Variants in WASF3 observed in about 807,000 individuals in gnomAD.
The protein encoded by WASF3 is actin-binding protein WASF3.
WASF3 carries 11 observed loss-of-function variants against 46.6 expected under a neutral mutation model. The ratio of observed to expected loss-of-function variants is 0.24; its 90% CI spans 0.15 to 0.39. The LOEUF is 0.39. Ranked by LOEUF, WASF3 falls within the 10% of genes least tolerant of loss-of-function variation. The probability of loss-of-function intolerance (pLI) is 1.00; values close to 1 mark genes in which losing one functional copy is unlikely to be tolerated. For synonymous variants in WASF3, 242 were observed against 259.7 expected (o/e 0.93, Z 0.65); for missense variants, 576 against 669.8 (o/e 0.86, Z 1.55).
At chr13:26,672,015 T>C (rs1457866459) in intron 6 of WASF3, 26 bp downstream of exon 6, 3 of 1,442,080 alleles carry the variant, frequency 2.1e-6, no homozygotes, top group African/African-American at 2.8e-5. Flanking sequence ...ATGGGAAATG[T>C]GCATATCAGT....
the WASF3 span, among the ~76,000 whole-genome samples, chr13:26,541,571 A>G: frequency 6.6e-6 from 1 of 152,296 alleles, no homozygotes; most frequent in East Asian, 1.9e-4. Context: ...GCCCTAGTAG[A>G]GAACACACCT....
chr13:26,546,105 T>C, the WASF3 span, among the ~76,000 whole-genome samples: 1 of 152,236 alleles, frequency 6.6e-6, no homozygotes, highest in African/African-American at 2.4e-5. Context: ...TTAGGGGTCA[T>C]ACATAATTTA....
chr13:26,680,224 G>A (rs1883185139), intron 7 of WASF3: 2 of 1,539,486 alleles, frequency 1.3e-6, no homozygotes, highest in Admixed American at 1.9e-5. Context: ...GCTTTCTTTG[G>A]GTTCCCAGAC....
intron 6 of WASF3, among the ~76,000 whole-genome samples, chr13:26,675,784 G>T (rs1414534630): frequency 6.6e-6 from 1 of 151,978 alleles, no homozygotes; most frequent in African/African-American, 2.4e-5. Flanking sequence ...TATTGAGTGT[G>T]TATTCTGTGT....
chr13:26,557,805 CGG>C lies in WASF3; in HGVS notation c.-121_-120del. 3.4e-6 allele frequency: 1 copy of C among 292,616 alleles called. No individual in the cohort carries two copies. Among genetic ancestry groups the C allele is most frequent in the Admixed American group, 5.2e-5 (1 of 19,204 alleles). The allele number at this position is 292,616 out of a possible 1,614,324, so 18.1% of individuals were successfully genotyped here. A position where few individuals can be genotyped will look rare whatever the true frequency, so the allele number is the denominator to read the frequency against. On this transcript the variant is annotated 5_prime_UTR_variant, in exon 1 of 10. The change abolishes the stop of an existing upstream ORF in the 5' untranslated region. Transcript: ENST00000335327. ...CAGAGCGCAGCCCCGGCGCCGGCGG[CGG>C]GACCGCGGACCGGTGAGTGAGGGCT...
rs1242534142 is a variant in WASF3, at chr13:26,681,319, G to A, written c.982G>A (p.Gly328Arg). The stretch of plus-strand genomic sequence containing the variant: ...TGCACCGATGGCTCCAGCAGACTAC[G>A]GGTAACTCAGCATGCCTTGTACCCT... ...ASAPMAPADY[G>R]MLPAQIIEYY... The change falls in exon 8 of 10, where the codon GGG becomes AGG. Residue 328 changes from glycine (G) to arginine (R), a missense_variant and splice_region_variant. Gly to Arg is a moderately radical substitution (Grantham distance 125, BLOSUM62 -2). Transcript: ENST00000335327. 10 of 1,584,358 alleles carry A rather than the reference G, an allele frequency of 6.3e-6. No homozygotes were observed. Among genetic ancestry groups the A allele is most frequent in the African/African-American group, 1.4e-5 (1 of 73,976 alleles).
intron 7 of WASF3, among the ~76,000 whole-genome samples, chr13:26,677,470 T>C (rs1030444672): frequency 6.6e-6 from 1 of 152,250 alleles, no homozygotes; most frequent in Non-Finnish European, 1.5e-5. Context: ...TAGAGAATTC[T>C]TACAATATGT....
intron 3 of WASF3, among the ~76,000 whole-genome samples, chr13:26,646,080 C>G (rs1392419218): frequency 6.6e-6 from 1 of 152,172 alleles, no homozygotes; most frequent in East Asian, 1.9e-4. Context: ...TAAGTCACAT[C>G]AACATGATTA....
At chr13:26,623,017 A>T (rs958859103) in intron 2 of WASF3, among the ~76,000 whole-genome samples, 1 of 152,194 alleles carries the variant, frequency 6.6e-6, no homozygotes, top group Non-Finnish European at 1.5e-5. Flanking sequence ...CTGAGAGTAG[A>T]CAGGACACTT....
At chr13:26,662,393 G>T (rs996334750) in intron 3 of WASF3, among the ~76,000 whole-genome samples, 1 of 152,220 alleles carries the variant, frequency 6.6e-6, no homozygotes, top group African/African-American at 2.4e-5. Flanking sequence ...GAAAGACATG[G>T]AATCCACCTG....
chr13:26,544,721 G>C, the WASF3 span, among the ~76,000 whole-genome samples: 1 of 152,200 alleles, frequency 6.6e-6, no homozygotes, highest in African/African-American at 2.4e-5. Flanking sequence ...TCCCGAGTCT[G>C]TTTGGTGAAG....
At chr13:26,556,171 A>C (rs920517421), upstream of WASF3, among the ~76,000 whole-genome samples, 1 of 152,222 alleles carries the variant, frequency 6.6e-6, no homozygotes, top group Non-Finnish European at 1.5e-5. Context: ...GATGTGTTTA[A>C]GGGCTAACAG....
At chr13:26,551,186 T>C in the WASF3 span, among the ~76,000 whole-genome samples, 3 of 152,184 alleles carry the variant, frequency 2.0e-5, no homozygotes, top group Admixed American at 6.5e-5. Flanking sequence ...TCTGCCATGA[T>C]TCTAAGTTTC....
Position 26,687,638 on chromosome 13 carries a change from C to T in WASF3, c.*1793C>T, listed in dbSNP as rs1427787700. ...TTCAGCGTCTTTTCCTAGAGCTGGT[C>T]ACCACTAGGCTGTCACTATAAATTC... is the stretch of plus-strand genomic sequence containing the variant. On this transcript the variant is annotated 3_prime_UTR_variant, in exon 10 of 10. Coordinates refer to ENST00000335327, the MANE Select transcript of WASF3 (RefSeq NM_006646.6). 1 of 152,058 alleles carries T rather than the reference C, an allele frequency of 6.6e-6. No individual in the cohort carries two copies. Among genetic ancestry groups the T allele is most frequent in the Non-Finnish European group, 1.5e-5 (1 of 68,012 alleles). 9.4% of individuals were successfully genotyped at this position (152,058 alleles called of 1,614,324 possible).
Position 26,681,169 on chromosome 13 carries a change from G to A in WASF3, c.832G>A (p.Ala278Thr), listed in dbSNP as rs907771598. 4 of 1,614,030 alleles carry A rather than the reference G, an allele frequency of 2.5e-6. No individual in the cohort carries two copies. The African/African-American group carries it at 5.3e-5, about 22-fold the overall frequency. The change falls in exon 8 of 10, where the codon GCA becomes ACA. Residue 278 changes from alanine (A) to threonine (T), a missense_variant. Ala to Thr is a moderately conservative substitution (Grantham distance 58). Transcript: ENST00000335327. Reference protein sequence around the residue: ...AAGDVPPHGPASQAAEHEYRP... With the variant: ...AAGDVPPHGPTSQAAEHEYRP... ...TGGTGACGTGCCACCACACGGGCCT[G>A]CAAGCCAGGCTGCGGAGCATGAGTA... is the stretch of plus-strand genomic sequence containing the variant.
At chr13:26,671,821 A>G (rs770281625) in intron 5 of WASF3, 51 bp from the exon 6 acceptor site, 66 of 1,298,276 alleles carry the variant, frequency 5.1e-5, no homozygotes, top group Non-Finnish European at 6.8e-5. Flanking sequence ...CCTACATATA[A>G]AAGTCTCTAA....
chr13:26,668,379 C>G (rs948697729), intron 5 of WASF3, among the ~76,000 whole-genome samples: 2 of 152,218 alleles, frequency 1.3e-5, no homozygotes, highest in Non-Finnish European at 2.9e-5. Flanking sequence ...TGTGGTATGT[C>G]CTGTCCTCTC....
intron 1 of WASF3, among the ~76,000 whole-genome samples, chr13:26,559,891 C>T (rs1273335933): frequency 7.7e-6 from 1 of 130,022 alleles, no homozygotes; most frequent in Non-Finnish European, 1.6e-5. Context: ...GATCTCGGCT[C>T]ACTGCAACCT....
chr13:26,646,728 C>T (rs537201983), intron 3 of WASF3, among the ~76,000 whole-genome samples: 21 of 147,930 alleles, frequency 1.4e-4, no homozygotes, highest in Non-Finnish European at 3.0e-4. Flanking sequence ...GTCATCCCTG[C>T]TTGAGCAGCA....
Sources: allele counts gnomAD v4.1 joint callset (sites outside exome capture counted in the v4.1 genomes callset), GRCh38; gene constraint gnomAD v4.1.1; transcripts MANE v1.5; gene names NCBI Gene and HGNC (gene_info 2026-07-23, HGNC 2026-07-21).